Variants in CACNA1C observed in about 807,000 individuals in gnomAD.
CACNA1C encodes the protein calcium voltage-gated channel subunit alpha1 C.
A neutral mutation model predicts 229.0 loss-of-function variants in CACNA1C; 30 were observed. The ratio of observed to expected loss-of-function variants is 0.13; its 90% CI spans 0.10 to 0.18. The LOEUF (loss-of-function observed/expected upper bound fraction) is 0.18, where lower values mean the gene tolerates loss of function less well. Ranked by LOEUF, CACNA1C falls within the 10% of genes least tolerant of loss-of-function variation. The pLI is 1.00. For synonymous variants in CACNA1C, 1,114 were observed against 1,132.5 expected (o/e 0.98, Z 0.33); for missense variants, 1,658 against 2,845.0 (o/e 0.58, Z 9.49).
intron 1 of CACNA1C, among the ~76,000 whole-genome samples, chr12:2,039,392 A>T (rs894292134): frequency 1.3e-5 from 2 of 152,194 alleles, no homozygotes; most frequent in African/African-American, 4.8e-5. Flanking sequence ...ACCAGCCTGT[A>T]ATATGCCTGA....
intron 1 of CACNA1C, among the ~76,000 whole-genome samples, chr12:2,087,325 C>T (rs2068085938): frequency 6.6e-6 from 1 of 152,190 alleles, no homozygotes; most frequent in African/African-American, 2.4e-5. Flanking sequence ...AGTCCTTTCA[C>T]TCTGTCCTGT....
In CACNA1C at chr12:2,181,164, C is replaced by T. The variant is rs1232354187; in HGVS notation, c.477+60734C>T. On this transcript the variant is annotated intron_variant, in intron 3 of 46. Transcript: ENST00000399655. This position sits in a 1 kb window ranked among gnomAD's most constrained non-coding sequence, Gnocchi z 4.0. ...TGCCTGTGGACAGGAGAGCCCAGTC[C>T]GTGACGGCGGTAACAATGATCATTA... is the stretch of plus-strand genomic sequence containing the variant. Among the ~76,000 whole-genome samples the T allele has an allele frequency of 5.9e-5, 9 of 152,122 alleles. No homozygotes were observed. Among genetic ancestry groups the T allele is most frequent in the South Asian group, 2.1e-4 (1 of 4,820 alleles).
rs770353818 is a variant in CACNA1C at position 2,680,465 on chromosome 12, G to A, written c.5444+669G>A. 12 of 1,564,500 alleles carry A rather than the reference G, an allele frequency of 7.7e-6. No homozygotes were observed. The highest frequency in any genetic ancestry group is 1.7e-4 in the Middle Eastern group (1 of 6,034). ...ATCAGCAGCTCCAGGGTTCCCTGGC[G>A]GGGCTGAGAGAGGACACACCCTGCA... On this transcript the variant is annotated intron_variant, in intron 42 of 46. Coordinates refer to ENST00000399655, the MANE Select transcript of CACNA1C (RefSeq NM_000719.7).
chr12:2,374,486 C>T (rs1233938635), intron 3 of CACNA1C, among the ~76,000 whole-genome samples: 1 of 152,250 alleles, frequency 6.6e-6, no homozygotes, highest in African/African-American at 2.4e-5. Flanking sequence ...CTGCCTGTCT[C>T]AATAGCATAT....
chr12:2,424,546 C>T (rs1383031796), intron 3 of CACNA1C, among the ~76,000 whole-genome samples: 2 of 152,200 alleles, frequency 1.3e-5, no homozygotes, highest in African/African-American at 4.8e-5. Flanking sequence ...CATTAGGACA[C>T]TTTGCAGAAA....
intron 7 of CACNA1C, among the ~76,000 whole-genome samples, chr12:2,496,348 A>C (rs541635505): frequency 6.6e-6 from 1 of 152,350 alleles, no homozygotes; most frequent in South Asian, 2.1e-4. Flanking sequence ...GCACAAGGGC[A>C]AGTCTAAAGG....
At chr12:2,652,923 AGGCACAGACCGGGT>A (rs2095159272) in intron 32 of CACNA1C, among the ~76,000 whole-genome samples, 1 of 152,194 alleles carries the variant, frequency 6.6e-6, no homozygotes, top group Non-Finnish European at 1.5e-5. Context: ...GGCTGGGAAG[AGGCACAGACCGGGT>A]GACTGCGAGG....
At chr12:2,055,578 C>T (rs1407864887) in intron 1 of CACNA1C, among the ~76,000 whole-genome samples, 1 of 152,142 alleles carries the variant, frequency 6.6e-6, no homozygotes, top group Non-Finnish European at 1.5e-5. Flanking sequence ...TGGGAGCAGA[C>T]ATTAAAAGTA....
chr12:1,991,731 A>G (rs1271970977), intron 1 of CACNA1C: 1 of 157,984 alleles, frequency 6.3e-6, no homozygotes, highest in East Asian at 1.8e-4. Context: ...TCTATCAGAT[A>G]AACCCTGTGG....
chr12:2,592,121 G>T (rs1367150419), intron 18 of CACNA1C, among the ~76,000 whole-genome samples: 1 of 152,246 alleles, frequency 6.6e-6, no homozygotes, highest in African/African-American at 2.4e-5. Flanking sequence ...TCAACCCACT[G>T]TAGTGAAGTG....
intron 5 of CACNA1C, among the ~76,000 whole-genome samples, chr12:2,481,492 C>G (rs910438264): frequency 1.3e-5 from 2 of 152,224 alleles, no homozygotes; most frequent in African/African-American, 4.8e-5. Flanking sequence ...AAATCCATGT[C>G]TGCCGGCTAA....
intron 9 of CACNA1C, among the ~76,000 whole-genome samples, chr12:2,519,801 G>C (rs1274547768): frequency 6.6e-6 from 1 of 152,226 alleles, no homozygotes; most frequent in Non-Finnish European, 1.5e-5. Flanking sequence ...CCAAAGCGGG[G>C]CGTGGGGGCC....
intron 3 of CACNA1C, among the ~76,000 whole-genome samples, chr12:2,191,350 G>A (rs868360084): frequency 6.6e-6 from 1 of 152,102 alleles, no homozygotes; most frequent in Admixed American, 6.5e-5. Context: ...GTCTGTCTCC[G>A]CACATCTTCC....
chr12:2,304,190 G>A (rs748809242), intron 3 of CACNA1C, among the ~76,000 whole-genome samples: 5 of 152,156 alleles, frequency 3.3e-5, no homozygotes, highest in Non-Finnish European at 5.9e-5. Context: ...CTGGTGGAAA[G>A]TGAAAAAGTC....
chr12:2,092,540 A>C (rs2071688510), intron 1 of CACNA1C, among the ~76,000 whole-genome samples: 2 of 152,114 alleles, frequency 1.3e-5, no homozygotes, highest in African/African-American at 4.8e-5. Context: ...TCTCTTTGGG[A>C]CAGGTGGCCC....
intron 13 of CACNA1C, among the ~76,000 whole-genome samples, chr12:2,572,897 C>G (rs866057154): frequency 9.0e-5 from 10 of 110,682 alleles, no homozygotes; most frequent in South Asian, 3.5e-4. Flanking sequence ...TCCTCCTCTT[C>G]TTCCTCCTTC....
Position 2,585,032 on chromosome 12 carries a change from T to C in CACNA1C, c.2340-344T>C, listed in dbSNP as rs2061897699. ...GGCCCTATGTTGTATCCTATCATTATCTAGACGGGACAGTTCCAGGCCACA... is the reference window on the plus strand; with the variant it reads ...GGCCCTATGTTGTATCCTATCATTACCTAGACGGGACAGTTCCAGGCCACA... On this transcript the variant is annotated intron_variant, in intron 16 of 46. Transcript: ENST00000399655. This position sits in a 1 kb window ranked among gnomAD's most constrained non-coding sequence, Gnocchi z 4.1. 6.6e-6 allele frequency among the ~76,000 whole-genome samples: 1 copy of C among 152,120 alleles called. No homozygotes were observed. Among genetic ancestry groups the C allele is most frequent in the South Asian group, 2.1e-4 (1 of 4,826 alleles).
rs189037493 is a variant in CACNA1C at position 1,981,949 on chromosome 12, C to A, written c.139+10748C>A. Among the ~76,000 whole-genome samples the A allele has an allele frequency of 9.9e-5, 15 of 152,260 alleles. 2 individuals are homozygous for A. Among genetic ancestry groups the A allele is most frequent in the Admixed American group, 9.2e-4 (14 of 15,292 alleles). ...GTAGTTGTTTGCTTGGAGCATTAGG[C>A]AAGCGTGCAAGAGTAGCAGCAGATG... On this transcript the variant is annotated intron_variant, in intron 1 of 46. Transcript: ENST00000682462.
At chr12:2,511,278 A>G (rs1277209277) in intron 8 of CACNA1C, among the ~76,000 whole-genome samples, 4 of 152,084 alleles carry the variant, frequency 2.6e-5, no homozygotes, top group African/African-American at 7.2e-5. Context: ...CACCATAAAG[A>G]CGGTGCATGC....
Sources: allele counts gnomAD v4.1 joint callset (sites outside exome capture counted in the v4.1 genomes callset), GRCh38; gene constraint gnomAD v4.1.1; non-coding constraint Gnocchi (gnomAD v3.1); transcripts MANE v1.5; gene names NCBI Gene and HGNC (gene_info 2026-07-23, HGNC 2026-07-21).